DTD1: variants seen among roughly 807,000 people sequenced by gnomAD.
The protein encoded by DTD1 is D-aminoacyl-tRNA deacylase 1.
A neutral mutation model predicts 25.6 loss-of-function variants in DTD1; 13 were observed. The observed-to-expected ratio is 0.51, with a 90% CI of 0.33 to 0.81. The LOEUF (loss-of-function observed/expected upper bound fraction) is 0.81. Ranked by LOEUF, DTD1 falls within the 30% of genes least tolerant of loss-of-function variation. DTD1 has a pLI of 0.02. For missense variants in DTD1, 193 were observed against 266.4 expected, an observed-to-expected ratio of 0.72 and a Z score of 1.92; for synonymous variants, 110 against 103.6, an observed-to-expected ratio of 1.06 and a Z score of -0.37.
At chr20:18,710,128 G>A (rs939111626) in intron 4 of DTD1, among the ~76,000 whole-genome samples, 15 of 152,080 alleles carry the variant, frequency 9.9e-5, no homozygotes, top group African/African-American at 3.6e-4. Context: ...TGATTGTCCT[G>A]GGCAAACCAG....
chr20:18,699,102 T>C (rs1267732782), intron 4 of DTD1, among the ~76,000 whole-genome samples: 1 of 151,990 alleles, frequency 6.6e-6, no homozygotes. Flanking sequence ...TGGAGTGGAG[T>C]TGCAGCAGGA....
intron 3 of DTD1, among the ~76,000 whole-genome samples, chr20:18,597,589 G>A (rs1035470450): frequency 6.6e-6 from 1 of 152,098 alleles, no homozygotes; most frequent in African/African-American, 2.4e-5. Context: ...CTTTAGATTT[G>A]TCTATTCTGA....
intron 3 of DTD1, among the ~76,000 whole-genome samples, chr20:18,618,820 C>A (rs574034190): frequency 6.6e-6 from 1 of 151,790 alleles, no homozygotes; most frequent in Non-Finnish European, 1.5e-5. Flanking sequence ...TCAAGCAATT[C>A]TCCTGCCTCA....
chr20:18,728,161 T>C (rs770600434), intron 4 of DTD1, among the ~76,000 whole-genome samples: 3 of 152,184 alleles, frequency 2.0e-5, no homozygotes, highest in Non-Finnish European at 2.9e-5. Flanking sequence ...TGGCTGGCCT[T>C]GTCTACTTGC....
At chr20:18,651,251 A>G (rs1488673031) in intron 4 of DTD1, among the ~76,000 whole-genome samples, 1 of 152,188 alleles carries the variant, frequency 6.6e-6, no homozygotes, top group Non-Finnish European at 1.5e-5. Flanking sequence ...TCCCGGGTTC[A>G]AGTGATTCTC....
intron 4 of DTD1, among the ~76,000 whole-genome samples, chr20:18,638,884 C>T (rs2060818521): frequency 6.6e-6 from 1 of 152,132 alleles, no homozygotes; most frequent in Admixed American, 6.6e-5. Flanking sequence ...CAACCACTCT[C>T]ATATTCTGCC....
At chr20:18,629,375 A>G (rs981284342) in intron 4 of DTD1, among the ~76,000 whole-genome samples, 1 of 130,770 alleles carries the variant, frequency 7.6e-6, no homozygotes, top group African/African-American at 2.9e-5. Flanking sequence ...ATCATGGCTC[A>G]CTCCAGCCTC....
At chr20:18,742,671 C>A (rs2061283147) in intron 4 of DTD1, among the ~76,000 whole-genome samples, 1 of 152,170 alleles carries the variant, frequency 6.6e-6, no homozygotes. Flanking sequence ...AAATTGTCTT[C>A]TATAAAACCG....
intron 4 of DTD1, among the ~76,000 whole-genome samples, chr20:18,659,569 A>T (rs1249886914): frequency 6.6e-6 from 1 of 152,240 alleles, no homozygotes; most frequent in Non-Finnish European, 1.5e-5. Context: ...ATCAAAAAAT[A>T]TATTTTTTTA....
At chr20:18,677,681 C>T (rs976434211) in intron 4 of DTD1, among the ~76,000 whole-genome samples, 6 of 152,222 alleles carry the variant, frequency 3.9e-5, no homozygotes, top group Middle Eastern at 3.4e-3. Context: ...TCCCCCCACA[C>T]CTGAAAGGAG....
At chr20:18,700,593 C>T (rs1005050512) in intron 4 of DTD1, among the ~76,000 whole-genome samples, 2 of 150,486 alleles carry the variant, frequency 1.3e-5, no homozygotes, top group Non-Finnish European at 2.9e-5. Flanking sequence ...GTGGTGAATT[C>T]TGAGATCTTA....
intron 4 of DTD1, among the ~76,000 whole-genome samples, chr20:18,701,283 G>A (rs545351024): frequency 6.6e-5 from 10 of 152,288 alleles, no homozygotes; most frequent in African/African-American, 2.2e-4. Context: ...GTTACCTAAC[G>A]GACTTGGTTT....
chr20:18,708,818 C>T (rs6045566), intron 4 of DTD1, among the ~76,000 whole-genome samples: 21,927 of 152,130 alleles, frequency 0.14, 1,693 homozygotes, highest in Admixed American at 0.2. Context: ...TAAGGAGATA[C>T]TGCCCTCCCA....
intron 1 of DTD1, chr20:18,592,385 G>A (rs2060592998): frequency 6.6e-6 from 1 of 152,198 alleles, no homozygotes; most frequent in Non-Finnish European, 1.5e-5. Flanking sequence ...CTGAGGCAGG[G>A]AGGATTGCTT....
chr20:18,658,414 C>T (rs6081281), intron 4 of DTD1, among the ~76,000 whole-genome samples: 1 of 151,952 alleles, frequency 6.6e-6, no homozygotes, highest in East Asian at 1.9e-4. Flanking sequence ...CAAGCTCCGC[C>T]TCCCAGGTTC....
chr20:18,595,977 G>A lies in DTD1; in HGVS notation c.135-29G>A, dbSNP rs755448313. The stretch of plus-strand genomic sequence containing the variant: ...TGTTGGGGGGCTTGTGATCTCTCAG[G>A]TAGCTCTCACTGCTCTTTTTCCCCT... On this transcript the variant is annotated intron_variant, in intron 2 of 5. Coordinates refer to ENST00000377452, the MANE Select transcript of DTD1 (RefSeq NM_080820.6). The A allele has an allele frequency of 1.4e-5, 22 of 1,598,076 alleles. No individual in the cohort carries two copies. In the South Asian group the frequency reaches 2.3e-4, roughly 17 times the overall value.
At chr20:18,632,370 T>C in intron 4 of DTD1, 1 of 985,470 alleles carries the variant, frequency 1.0e-6, no homozygotes, top group Non-Finnish European at 1.2e-6. Flanking sequence ...TGCACTGCGC[T>C]CTGCCCCTAG....
chr20:18,725,080 C>T (rs980462165), intron 4 of DTD1, among the ~76,000 whole-genome samples: 2 of 152,238 alleles, frequency 1.3e-5, no homozygotes, highest in Non-Finnish European at 2.9e-5. Flanking sequence ...TGTGGCTGTT[C>T]CTGCAGAGCA....
Position 18,620,967 on chromosome 20 carries a change from A to G in DTD1, c.371-7160A>G, listed in dbSNP as rs75048428. Among the ~76,000 whole-genome samples the G allele has an allele frequency of 1.1e-3, 165 of 152,356 alleles. 8 individuals carry two copies. The East Asian group carries it at 0.025, about 23-fold the overall frequency. Reference sequence around the variant, plus strand: ...AAATAATAAGATTCATCCAACTTCTATTGATAACATTTTACATAGTACAGT... The same window carrying G: ...AAATAATAAGATTCATCCAACTTCTGTTGATAACATTTTACATAGTACAGT... On this transcript the variant is annotated intron_variant, in intron 3 of 5. Coordinates refer to ENST00000377452, the MANE Select transcript of DTD1 (RefSeq NM_080820.6).
Sources: allele counts gnomAD v4.1 joint callset (sites outside exome capture counted in the v4.1 genomes callset), GRCh38; gene constraint gnomAD v4.1.1; transcripts MANE v1.5; gene names NCBI Gene and HGNC (gene_info 2026-07-23, HGNC 2026-07-21).